The following SLC6A7 variants were observed in gnomAD, a reference collection of about 807,000 sequenced individuals.
SLC6A7 encodes the protein solute carrier family 6 member 7.
SLC6A7 carries 58 observed loss-of-function variants against 73.1 expected under a neutral mutation model. That is an observed-to-expected ratio of 0.79 (90% CI 0.64 to 0.99). The LOEUF is 0.99. SLC6A7 is among the 50% of genes least tolerant of loss of function. The pLI is 0.00. For synonymous variants in SLC6A7, 338 were observed against 338.7 expected (o/e 1.00, Z 0.02); for missense variants, 783 against 831.4 (o/e 0.94, Z 0.72).
chr5:150,202,602 G>C lies in SLC6A7; in HGVS notation c.986G>C (p.Gly329Ala). The change falls in exon 8 of 14, where the codon GGC becomes GCC. Residue 329 changes from glycine to alanine, a missense_variant. Transcript: ENST00000230671. Reference protein sequence around the residue: ...IYRDTFIVTLGNAITSILAGF... With the variant: ...IYRDTFIVTLANAITSILAGF... Reference sequence around the variant, plus strand: ...AGAGACACTTTCATCGTCACTCTGGGCAACGCCATCACCAGCATCCTGGCT... The same window carrying C: ...AGAGACACTTTCATCGTCACTCTGGCCAACGCCATCACCAGCATCCTGGCT... 6.2e-7 allele frequency: 1 copy of C among 1,614,218 alleles called. No individual in the cohort carries two copies. The highest frequency in any genetic ancestry group is 8.5e-7 in the Non-Finnish European group (1 of 1,180,036).
intron 5 of SLC6A7, 85 bp from the exon 6 acceptor site, chr5:150,201,004 A>G: frequency 1.4e-6 from 2 of 1,456,708 alleles, no homozygotes; most frequent in Non-Finnish European, 9.5e-7. Flanking sequence ...AAGGCTGGGG[A>G]GGCAAGTGAC....
rs944740151 is a variant in SLC6A7, at chr5:150,190,232, C to T, written c.-96C>T. 9.2e-6 allele frequency: 10 copies of T among 1,085,308 alleles called. No individual in the cohort carries two copies. The highest frequency in any genetic ancestry group is 1.3e-5 in the Non-Finnish European group (10 of 773,904). 67.2% of individuals were successfully genotyped at this position (1,085,308 alleles called of 1,614,324 possible). A position where few individuals can be genotyped will look rare whatever the true frequency, so the allele number is the denominator to read the frequency against. Reference sequence around the variant, plus strand: ...GCCCGCCCCAGCCGGTGCGCGGGAGCCGCGGGGGCAAAGGCGCAGTGGCCA... The same window carrying T: ...GCCCGCCCCAGCCGGTGCGCGGGAGTCGCGGGGGCAAAGGCGCAGTGGCCA... On this transcript the variant is annotated 5_prime_UTR_variant, in exon 1 of 14. Coordinates refer to ENST00000230671, the MANE Select transcript of SLC6A7 (RefSeq NM_014228.5).
chr5:150,204,608 G>A lies in SLC6A7; in HGVS notation c.1409G>A (p.Cys470Tyr). Residue 470 changes from cysteine (C) to tyrosine (Y), a missense_variant, in exon 11 of 14, where the codon TGC becomes TAC. By Grantham distance (194) the Cys-to-Tyr change is radical. Transcript: ENST00000230671. ...FGLMVVVITT[C>Y]LAVTRVYGIQ... Reference sequence around the variant, plus strand: ...CTGATGGTGGTGGTTATCACCACGTGCCTTGCCGTGACACGGGTGTATGGT... The same window carrying A: ...CTGATGGTGGTGGTTATCACCACGTACCTTGCCGTGACACGGGTGTATGGT... 1 of 1,612,870 alleles carries A rather than the reference G, an allele frequency of 6.2e-7. No homozygotes were observed. Among genetic ancestry groups the A allele is most frequent in the Non-Finnish European group, 8.5e-7 (1 of 1,178,768 alleles).
chr5:150,208,204 AAAG>A (rs898791798), intron 13 of SLC6A7, among the ~76,000 whole-genome samples: 1 of 152,144 alleles, frequency 6.6e-6, no homozygotes, highest in Non-Finnish European at 1.5e-5. Context: ...CTTAAAAAAA[AAAG>A]GAGTACAGGA....
intron 8 of SLC6A7, 83 bp downstream of exon 8, chr5:150,202,786 G>A: frequency 6.7e-7 from 1 of 1,496,024 alleles, no homozygotes; most frequent in Non-Finnish European, 9.1e-7. Flanking sequence ...GCAAGATTAT[G>A]GATGGGGGCC....
At chr5:150,201,312 G>GGGA in intron 6 of SLC6A7, 89 bp downstream of exon 6, 1 of 929,000 alleles carries the variant, frequency 1.1e-6, no homozygotes, top group Non-Finnish European at 1.6e-6. Flanking sequence ...GCAGTACCAG[G>GGGA]CACTCTGCTC....
chr5:150,207,093 A>G (rs1268770609), intron 13 of SLC6A7, among the ~76,000 whole-genome samples: 2 of 152,166 alleles, frequency 1.3e-5, no homozygotes, highest in Non-Finnish European at 2.9e-5. Flanking sequence ...TCGCGGCCCT[A>G]AGCAAGTTAC....
At chr5:150,199,694 T>C (rs967219229) in intron 5 of SLC6A7, among the ~76,000 whole-genome samples, 8 of 152,186 alleles carry the variant, frequency 5.3e-5, no homozygotes, top group Non-Finnish European at 1.0e-4. Flanking sequence ...GTTAGGGGGC[T>C]CTTTGAGATG....
At chr5:150,204,490 G>A (rs778676966) in intron 10 of SLC6A7, 42 bp from the exon 11 acceptor site, 18 of 1,461,308 alleles carry the variant, frequency 1.2e-5, no homozygotes, top group Admixed American at 3.3e-5. Flanking sequence ...AGCAGAGAAC[G>A]AGGCCCAGGA....
At position 150,202,654 on chromosome 5, in the gene SLC6A7, C is replaced by T; in HGVS notation, c.1038C>T (p.Gly346=). The change falls in exon 8 of 14, where the codon GGC becomes GGT. Residue 346 remains glycine (G), a synonymous_variant. Transcript: ENST00000230671. ...GCTTTGCCATCTTCTCCGTGCTGGG[C>T]TACATGTCTCAGGAGCTGGGCGTGC... ...LAGFAIFSVL[G]YMSQELGVPV... The T allele has an allele frequency of 6.2e-7, 1 of 1,614,218 alleles. No homozygotes were observed. The highest frequency in any genetic ancestry group is 8.5e-7 in the Non-Finnish European group (1 of 1,180,028).
At chr5:150,194,684 G>A (rs1464782034) in intron 1 of SLC6A7, 44 bp from the exon 2 acceptor site, 2 of 1,496,074 alleles carry the variant, frequency 1.3e-6, no homozygotes, top group South Asian at 1.2e-5. Flanking sequence ...TTCTGGCCTG[G>A]CCTCAGTCTT....
chr5:150,198,117 G>GAAAGAAAGGAAAGAA lies in SLC6A7; in HGVS notation c.584+849_584+850insGAAAGAAAAAGAAAG, dbSNP rs1753166623. Among the ~76,000 whole-genome samples, 110 of 57,654 alleles carry GAAAGAAAGGAAAGAA rather than the reference G, an allele frequency of 1.9e-3. 3 individuals carry two copies. Among genetic ancestry groups the GAAAGAAAGGAAAGAA allele is most frequent in the Admixed American group, 3.3e-3 (19 of 5,844 alleles). The allele number at this position is 57,654 out of a possible 152,430, so 37.8% of individuals were successfully genotyped here. ...AAAGAAAGAAAGAAAGAAAGAAAGA[G>GAAAGAAAGGAAAGAA]AAAGAAAGAAAGAAAGAAAGAAAGC... On this transcript the variant is annotated intron_variant, in intron 4 of 13. Transcript: ENST00000230671.
rs1471038795 is a variant in SLC6A7, at chr5:150,209,872, A to G, written c.*257A>G. ...GATCCAACTCAGCCCTACTTTGCGG[A>G]TGGACATATTAAGGCCAGGAGGGGA... On this transcript the variant is annotated 3_prime_UTR_variant, in exon 14 of 14. Transcript: ENST00000230671. 9.5e-6 allele frequency: 5 copies of G among 526,754 alleles called. No individual in the cohort carries two copies. Among genetic ancestry groups the G allele is most frequent in the Non-Finnish European group, 1.7e-5 (5 of 290,546 alleles). 32.6% of individuals were successfully genotyped at this position (526,754 alleles called of 1,614,324 possible). A position where few individuals can be genotyped will look rare whatever the true frequency, so the allele number is the denominator to read the frequency against.
At position 150,199,279 on chromosome 5, in the gene SLC6A7, G is replaced by A; in HGVS notation, c.636G>A (p.Glu212=). 2 of 1,613,982 alleles carry A rather than the reference G, an allele frequency of 1.2e-6. No homozygotes were observed. Among genetic ancestry groups the A allele is most frequent in the Non-Finnish European group, 1.7e-6 (2 of 1,179,904 alleles). The change falls in exon 5 of 14, where the codon GAG becomes GAA. Residue 212 remains glutamate (E), a synonymous_variant. Coordinates refer to ENST00000230671, the MANE Select transcript of SLC6A7 (RefSeq NM_014228.5). ...GCCAGGGCATCGGCAGCCCTGGGGA[G>A]ATCCGCTGGAACCTCTGCCTCTGCC... ...QGSQGIGSPG[E]IRWNLCLCLL...
Position 150,190,297 on chromosome 5 carries a change from G to C in SLC6A7, c.-31G>C. ...GTGCCCTCGCTCTCTGCGCTCCGGGGCAGCTGAGCCCCGGCCACCCGCTCT... is the reference window on the plus strand; with the variant it reads ...GTGCCCTCGCTCTCTGCGCTCCGGGCCAGCTGAGCCCCGGCCACCCGCTCT... On this transcript the variant is annotated 5_prime_UTR_variant, in exon 1 of 14. Coordinates refer to ENST00000230671, the MANE Select transcript of SLC6A7 (RefSeq NM_014228.5). 1 of 1,506,344 alleles carries C rather than the reference G, an allele frequency of 6.6e-7. No homozygotes were observed. Among genetic ancestry groups the C allele is most frequent in the Non-Finnish European group, 8.9e-7 (1 of 1,127,844 alleles). 93.3% of individuals were successfully genotyped at this position (1,506,344 alleles called of 1,614,324 possible). A position where few individuals can be genotyped will look rare whatever the true frequency, so the allele number is the denominator to read the frequency against.
Position 150,205,478 on chromosome 5 carries a change from T to C in SLC6A7, c.1556T>C (p.Val519Ala). Residue 519 changes from valine to alanine, a missense_variant, in exon 13 of 14, where the codon GTC becomes GCC. Physicochemically the swap from Val to Ala is moderately conservative, Grantham distance 64 (BLOSUM62 0). Coordinates refer to ENST00000230671, the MANE Select transcript of SLC6A7 (RefSeq NM_014228.5). ...CAGGCCCTCATGGTGTATAGCATCG[T>C]CAAGTACCAGCCCTCGGAGTATGGC... ...TLLALMVYSIVKYQPSEYGSY... is the reference protein window; with the variant it reads ...TLLALMVYSIAKYQPSEYGSY... 1 of 1,609,962 alleles carries C rather than the reference T, an allele frequency of 6.2e-7. No individual in the cohort carries two copies. The highest frequency in any genetic ancestry group is 8.5e-7 in the Non-Finnish European group (1 of 1,178,040).
Position 150,201,159 on chromosome 5 carries a change from C to T in SLC6A7, c.794C>T (p.Pro265Leu), listed in dbSNP as rs1333980870. ...LMLLVRGVTL[P>L]GAWKGIQFYL... ...CTGCTGGTCCGCGGAGTCACCCTCC[C>T]AGGGGCCTGGAAGGGCATCCAGTTC... Residue 265 changes from proline to leucine, a missense_variant, in exon 6 of 14, where the codon CCA becomes CTA. Coordinates refer to ENST00000230671, the MANE Select transcript of SLC6A7 (RefSeq NM_014228.5). The T allele has an allele frequency of 6.2e-7, 1 of 1,613,718 alleles. No homozygotes were observed. Among genetic ancestry groups the T allele is most frequent in the African/African-American group, 1.3e-5 (1 of 74,906 alleles).
intron 4 of SLC6A7, among the ~76,000 whole-genome samples, 181 bp downstream of exon 4, chr5:150,197,457 ATTTGGCTTCTGTTGC>A (rs1753093852): frequency 6.6e-6 from 1 of 152,170 alleles, no homozygotes; most frequent in Non-Finnish European, 1.5e-5. Flanking sequence ...CAAACAATTT[ATTTGGCTTCTGTTGC>A]TTTATCTGTA....
chr5:150,201,203 C>A lies in SLC6A7; in HGVS notation c.838C>A (p.His280Asn). 1 of 1,612,500 alleles carries A rather than the reference C, an allele frequency of 6.2e-7. No individual in the cohort carries two copies. Among genetic ancestry groups the A allele is most frequent in the Non-Finnish European group, 8.5e-7 (1 of 1,179,256 alleles). Reference protein sequence around the residue: ...GIQFYLTPQFHHLLSSKVWIE... With the variant: ...GIQFYLTPQFNHLLSSKVWIE... ...CCAGTTCTATCTCACCCCCCAGTTC[C>A]ACCACTTGTTGTCTTCCAAGGTGAG... The change falls in exon 6 of 14, where the codon CAC (histidine) becomes AAC (asparagine). Residue 280 changes from histidine (H) to asparagine (N), a missense_variant. His to Asn is a moderately conservative substitution (Grantham distance 68). Transcript: ENST00000230671.
Sources: allele counts gnomAD v4.1 joint callset (sites outside exome capture counted in the v4.1 genomes callset), GRCh38; gene constraint gnomAD v4.1.1; transcripts MANE v1.5; gene names NCBI Gene and HGNC (gene_info 2026-07-23, HGNC 2026-07-21).